Variants in TMEM140 observed in about 807,000 individuals in gnomAD.
TMEM140 encodes transmembrane protein 140.
For synonymous variants in TMEM140, 107 were observed against 106.8 expected (o/e 1.00, Z -0.01); for missense variants, 236 against 228.5 (o/e 1.03, Z -0.21).
chr7:135,166,144 G>A lies in TMEM140; in HGVS notation c.*1145G>A, dbSNP rs1313611973. ...GGAGCTCATTGATAGACTCATGATG[G>A]AAACTATTTTTGAAACAGGCTTCCT... On this transcript the variant is annotated 3_prime_UTR_variant, in exon 2 of 2. Transcript: ENST00000275767. The A allele has an allele frequency of 1.3e-5, 2 of 153,418 alleles. No homozygotes were observed. Among genetic ancestry groups the A allele is most frequent in the Non-Finnish European group, 2.9e-5 (2 of 68,856 alleles). The allele number at this position is 153,418 out of a possible 1,614,324, so 9.5% of individuals were successfully genotyped here. A position where few individuals can be genotyped will look rare whatever the true frequency, so the allele number is the denominator to read the frequency against.
In TMEM140 at chr7:135,162,600, C is replaced by T. The variant is rs187040792; in HGVS notation, c.-24-1818C>T. On this transcript the variant is annotated intron_variant, in intron 1 of 1. Coordinates refer to ENST00000275767, the MANE Select transcript of TMEM140 (RefSeq NM_018295.5). ...CAAGAGAACATGTGCAGGGGAAATGCCCTTTATAAAACCATCAGATATCAT... is the reference window on the plus strand; with the variant it reads ...CAAGAGAACATGTGCAGGGGAAATGTCCTTTATAAAACCATCAGATATCAT... Among the ~76,000 whole-genome samples the T allele has an allele frequency of 2.0e-5, 3 of 152,286 alleles. 1 individual carries two copies. The highest frequency in any genetic ancestry group is 2.0e-4 in the Admixed American group (3 of 15,294).
At chr7:135,152,432 T>A (rs921881296) in intron 1 of TMEM140, among the ~76,000 whole-genome samples, 1 of 152,250 alleles carries the variant, frequency 6.6e-6, no homozygotes, top group Non-Finnish European at 1.5e-5. Context: ...GGCTCCATCA[T>A]TCACTGGCTG....
chr7:135,158,316 TC>T (rs1360081128), intron 1 of TMEM140, among the ~76,000 whole-genome samples: 2 of 152,226 alleles, frequency 1.3e-5, no homozygotes, highest in African/African-American at 2.4e-5. Flanking sequence ...TCCCTGTTAA[TC>T]CTTGGCTGGG....
At chr7:135,163,458 C>T (rs1003928792) in intron 1 of TMEM140, among the ~76,000 whole-genome samples, 5 of 151,796 alleles carry the variant, frequency 3.3e-5, no homozygotes, top group Non-Finnish European at 4.4e-5. Context: ...CCAGCCTGGC[C>T]AACATGGTGA....
At chr7:135,163,241 T>A (rs1261016765) in intron 1 of TMEM140, among the ~76,000 whole-genome samples, 2 of 152,264 alleles carry the variant, frequency 1.3e-5, no homozygotes, top group Non-Finnish European at 2.9e-5. Context: ...TTCAACATCA[T>A]GATTATGTAA....
intron 1 of TMEM140, among the ~76,000 whole-genome samples, chr7:135,150,666 A>G (rs1829647156): frequency 6.6e-6 from 1 of 152,170 alleles, no homozygotes; most frequent in African/African-American, 2.4e-5. Flanking sequence ...CAAACTCTGA[A>G]TCTTGTGAAT....
chr7:135,160,955 T>C (rs1296117242), intron 1 of TMEM140, among the ~76,000 whole-genome samples: 1 of 152,100 alleles, frequency 6.6e-6, no homozygotes, highest in Non-Finnish European at 1.5e-5. Context: ...TGGCTGAGGA[T>C]GGGCAGATGG....
chr7:135,161,732 T>C lies in TMEM140; in HGVS notation c.-24-2686T>C, dbSNP rs1829944287. Among the ~76,000 whole-genome samples, 1 of 152,212 alleles carries C rather than the reference T, an allele frequency of 6.6e-6. No homozygotes were observed. The highest frequency in any genetic ancestry group is 2.4e-5 in the African/African-American group (1 of 41,452). On this transcript the variant is annotated intron_variant, in intron 1 of 1. Coordinates refer to ENST00000275767, the MANE Select transcript of TMEM140 (RefSeq NM_018295.5). The surrounding 1 kb of genome is among the most constrained non-coding windows in gnomAD (Gnocchi z 4.1). ...TTGCTCCAAGAATCTCTCAACTACA[T>C]TCAAACCCGAGTCTTCAGACCCTTG...
rs1273759335 is a variant in TMEM140 at position 135,165,898 on chromosome 7, T to A, written c.*899T>A. 6.0e-6 allele frequency: 1 copy of A among 167,068 alleles called. No individual in the cohort carries two copies. The highest frequency in any genetic ancestry group is 1.5e-5 in the Non-Finnish European group (1 of 68,138). 10.3% of individuals were successfully genotyped at this position (167,068 alleles called of 1,614,324 possible). A position where few individuals can be genotyped will look rare whatever the true frequency, so the allele number is the denominator to read the frequency against. ...CACTGAAAACAGAGGCAGAGACATG[T>A]ACTCTGGTGTGATCTCTTGTCCTCA... On this transcript the variant is annotated 3_prime_UTR_variant, in exon 2 of 2. Coordinates refer to ENST00000275767, the MANE Select transcript of TMEM140 (RefSeq NM_018295.5).
chr7:135,153,049 A>T (rs937536876), intron 1 of TMEM140: 2 of 152,252 alleles, frequency 1.3e-5, no homozygotes, highest in African/African-American at 4.8e-5. Context: ...CCAAAGGAAG[A>T]CATACAAGTG....
intron 1 of TMEM140, among the ~76,000 whole-genome samples, chr7:135,162,592 G>A (rs1263307506): frequency 1.3e-5 from 2 of 152,194 alleles, no homozygotes; most frequent in Non-Finnish European, 2.9e-5. Flanking sequence ...ACATGTGCAG[G>A]GGAAATGCCC....
rs1262047032 is a variant in TMEM140 at position 135,161,341 on chromosome 7, T to C, written c.-24-3077T>C. On this transcript the variant is annotated intron_variant, in intron 1 of 1. Transcript: ENST00000275767. This position sits in a 1 kb window ranked among gnomAD's most constrained non-coding sequence, Gnocchi z 4.1. ...TTCAAAGCAAAACGTTTAATAATTT[T>C]TTTTGGAACCCCAGTGTAACAGAAT... Among the ~76,000 whole-genome samples the C allele has an allele frequency of 6.6e-6, 1 of 152,252 alleles. No individual in the cohort carries two copies. The highest frequency in any genetic ancestry group is 6.5e-5 in the Admixed American group (1 of 15,284).
chr7:135,148,854 G>A (rs773629806), intron 1 of TMEM140, among the ~76,000 whole-genome samples: 9 of 152,158 alleles, frequency 5.9e-5, no homozygotes, highest in Non-Finnish European at 1.3e-4. Flanking sequence ...ATCCATGGTG[G>A]TATTTTAGTT....
intron 1 of TMEM140, among the ~76,000 whole-genome samples, chr7:135,150,027 C>G (rs1384531344): frequency 2.6e-5 from 4 of 152,056 alleles, no homozygotes; most frequent in African/African-American, 4.8e-5. Flanking sequence ...TTTCCATTTG[C>G]TCTTAAGTTC....
Position 135,150,149 on chromosome 7 carries a change from G to C in TMEM140, c.-25+1879G>C, listed in dbSNP as rs998297544. 9.9e-5 allele frequency among the ~76,000 whole-genome samples: 15 copies of C among 152,144 alleles called. 1 individual carries two copies. Among genetic ancestry groups the C allele is most frequent in the Admixed American group, 5.9e-4 (9 of 15,282 alleles). ...ATCCATGTGAAATTTATTTGGGTAT[G>C]TGGAGTGAGATGAGGACCTAAAATA... On this transcript the variant is annotated intron_variant, in intron 1 of 1. Transcript: ENST00000275767.
rs769777953 is a variant in TMEM140, at chr7:135,148,237, A to T, written c.-58A>T. 88 of 404,122 alleles carry T rather than the reference A, an allele frequency of 2.2e-4. No homozygotes were observed. The highest frequency in any genetic ancestry group is 3.9e-4 in the Non-Finnish European group (81 of 205,312). 25.0% of individuals were successfully genotyped at this position (404,122 alleles called of 1,614,324 possible). A position where few individuals can be genotyped will look rare whatever the true frequency, so the allele number is the denominator to read the frequency against. On this transcript the variant is annotated 5_prime_UTR_variant, in exon 1 of 2. It removes an upstream start codon present in the reference 5' UTR. Transcript: ENST00000275767. The stretch of plus-strand genomic sequence containing the variant: ...CCCTGATTTCCTGCTTCTCCTTTTC[A>T]TGAGTGTTCCTGTGGTCTCTGCACC...
chr7:135,151,482 AG>A lies in TMEM140; in HGVS notation c.-25+3213del, dbSNP rs1489100278. Among the ~76,000 whole-genome samples the A allele has an allele frequency of 1.3e-5, 2 of 152,188 alleles. No homozygotes were observed. Among genetic ancestry groups the A allele is most frequent in the African/African-American group, 4.8e-5 (2 of 41,438 alleles). On this transcript the variant is annotated intron_variant, in intron 1 of 1. Coordinates refer to ENST00000275767, the MANE Select transcript of TMEM140 (RefSeq NM_018295.5). This position sits in a 1 kb window ranked among gnomAD's most constrained non-coding sequence, Gnocchi z 4.3. The stretch of plus-strand genomic sequence containing the variant: ...TGCGCCCTTGTTCTATGCCCTGGCA[AG>A]CTCTGTTGCCCCGGCTTTATTCTGC...
At chr7:135,157,867 A>G (rs292497) in intron 1 of TMEM140, among the ~76,000 whole-genome samples, 141,691 of 152,202 alleles carry the variant, frequency 0.93, 66,739 homozygotes, top group Non-Finnish European at 1. Context: ...CAGACTGGTT[A>G]TGAATCAGCA....
chr7:135,148,812 T>C (rs922419628), intron 1 of TMEM140, among the ~76,000 whole-genome samples: 1 of 152,240 alleles, frequency 6.6e-6, no homozygotes, highest in Non-Finnish European at 1.5e-5. Flanking sequence ...TGTTAGTCAT[T>C]AGACCAGATT....
Sources: allele counts gnomAD v4.1 joint callset (sites outside exome capture counted in the v4.1 genomes callset), GRCh38; gene constraint gnomAD v4.1.1; non-coding constraint Gnocchi (gnomAD v3.1); transcripts MANE v1.5; gene names NCBI Gene and HGNC (gene_info 2026-07-23, HGNC 2026-07-21).